The following LRP5 variants were observed in gnomAD, a reference collection of about 807,000 sequenced individuals.
The protein encoded by LRP5 is LDL receptor related protein 5, also known as low-density lipoprotein receptor-related protein 5.
In LRP5, 62 loss-of-function variants were observed where a neutral mutation model predicts 154.1. The observed-to-expected ratio is 0.40, with a 90% CI of 0.33 to 0.50. LRP5 has a LOEUF of 0.50. Ranked by LOEUF, LRP5 falls within the 20% of genes least tolerant of loss-of-function variation. LRP5 has a pLI of 0.55. For synonymous variants in LRP5, 966 were observed against 1,011.5 expected, an observed-to-expected ratio of 0.96 and a Z score of 0.85; for missense variants, 1,915 against 2,336.7, an observed-to-expected ratio of 0.82 and a Z score of 3.72.
At chr11:68,373,142 C>G (rs2098635271) in intron 5 of LRP5, among the ~76,000 whole-genome samples, 1 of 152,170 alleles carries the variant, frequency 6.6e-6, no homozygotes, top group Non-Finnish European at 1.5e-5. Flanking sequence ...TCAAGGGTCC[C>G]TGGGACTCCC....
chr11:68,431,996 A>G (rs1053285533), intron 17 of LRP5, among the ~76,000 whole-genome samples: 3 of 152,162 alleles, frequency 2.0e-5, no homozygotes, highest in African/African-American at 7.2e-5. Flanking sequence ...GAGATCACAG[A>G]AGGACAGGGC....
At chr11:68,347,274 G>A (rs1354800961) in intron 1 of LRP5, among the ~76,000 whole-genome samples, 1 of 152,234 alleles carries the variant, frequency 6.6e-6, no homozygotes, top group Non-Finnish European at 1.5e-5. Flanking sequence ...GGAATACAGG[G>A]GTGGATGGGA....
intron 1 of LRP5, among the ~76,000 whole-genome samples, chr11:68,316,921 G>A (rs1161507471): frequency 6.6e-6 from 1 of 152,268 alleles, no homozygotes; most frequent in Non-Finnish European, 1.5e-5. Flanking sequence ...TGGTTTGTGA[G>A]GCTTTGGAAA....
rs140977837 is a variant in LRP5 at position 68,409,946 on chromosome 11, G to A, written c.2124G>A (p.Ser708=). ...TISRAFMNGS[S]VEHVVEFGLD... ...GCCGCGCCTTCATGAACGGGAGCTC[G>A]GTGGAGCACGTGGTGGAGTTTGGCC... The change falls in exon 10 of 23, where the codon TCG becomes TCA. Residue 708 remains serine, a synonymous_variant. Transcript: ENST00000294304. 3.9e-4 allele frequency: 625 copies of A among 1,614,052 alleles called. 3 individuals are homozygous for A. The African/African-American group carries it at 7.1e-3, about 18-fold the overall frequency.
At chr11:68,381,771 C>G (rs2098640361) in intron 5 of LRP5, among the ~76,000 whole-genome samples, 1 of 152,242 alleles carries the variant, frequency 6.6e-6, no homozygotes. Flanking sequence ...GAGTTGGCCT[C>G]TCTTCTTTAT....
At chr11:68,367,957 T>C (rs2098631987) in intron 5 of LRP5, among the ~76,000 whole-genome samples, 1 of 151,268 alleles carries the variant, frequency 6.6e-6, no homozygotes, top group African/African-American at 2.4e-5. Flanking sequence ...CCCAGCTACT[T>C]GGGAGACTGA....
chr11:68,299,795 C>T, the LRP5 span, among the ~76,000 whole-genome samples: 1 of 148,696 alleles, frequency 6.7e-6, no homozygotes, highest in Non-Finnish European at 1.5e-5. Context: ...GTTGGCCAAG[C>T]TGGTCTCAAA....
chr11:68,369,761 G>GCCCTGATAAAATC (rs2098633043), intron 5 of LRP5, among the ~76,000 whole-genome samples: 1 of 152,116 alleles, frequency 6.6e-6, no homozygotes. Context: ...ACGGGTGTGG[G>GCCCTGATAAAATC]CCCTGATAAA....
chr11:68,386,563 C>T lies in LRP5; in HGVS notation c.1263C>T (p.Ile421=), dbSNP rs1565064798. The T allele has an allele frequency of 5.6e-6, 9 of 1,613,780 alleles. No homozygotes were observed. The highest frequency in any genetic ancestry group is 1.7e-5 in the Admixed American group (1 of 60,000). The change falls in exon 6 of 23, where the codon ATC becomes ATT. Residue 421 remains isoleucine, a synonymous_variant. Transcript: ENST00000294304. This position sits in a 1 kb window ranked among gnomAD's most constrained non-coding sequence, Gnocchi z 7.9. ...CCGAGATCAACGACCCCGATGGCAT[C>T]GCGGTCGACTGGGTGGCCCGAAACC... ...VNTEINDPDG[I]AVDWVARNLY...
At chr11:68,349,043 T>C (rs962675945) in intron 2 of LRP5, among the ~76,000 whole-genome samples, 1 of 150,152 alleles carries the variant, frequency 6.7e-6, no homozygotes, top group Non-Finnish European at 1.5e-5. Context: ...TTTTTTTTTT[T>C]TTTTAATTGA....
At chr11:68,448,450 T>G (rs2098682619) in intron 22 of LRP5, among the ~76,000 whole-genome samples, 1 of 152,264 alleles carries the variant, frequency 6.6e-6, no homozygotes. Flanking sequence ...TGGGTACTAT[T>G]TCATCCCCAC....
At chr11:68,411,736 C>T in intron 11 of LRP5, 116 bp downstream of exon 11, 4 of 1,131,782 alleles carry the variant, frequency 3.5e-6, no homozygotes, top group Non-Finnish European at 5.0e-6. Context: ...CTGGCAGGAG[C>T]TGTGGCCACA....
intron 21 of LRP5, among the ~76,000 whole-genome samples, chr11:68,442,687 C>A (rs554035383): frequency 9.4e-4 from 143 of 152,364 alleles, no homozygotes; most frequent in African/African-American, 3.3e-3. Context: ...ATTTCGGAGG[C>A]TCCCAGCTGC....
intron 13 of LRP5, among the ~76,000 whole-genome samples, chr11:68,421,525 A>G (rs2098665611): frequency 6.6e-6 from 1 of 152,220 alleles, no homozygotes; most frequent in African/African-American, 2.4e-5. Context: ...TCCAGGGTCC[A>G]CAGCTAGTGG....
intron 7 of LRP5, among the ~76,000 whole-genome samples, chr11:68,390,834 G>A (rs986988058): frequency 5.1e-5 from 7 of 136,626 alleles, no homozygotes; most frequent in African/African-American, 2.0e-4. Context: ...CAGTGGCCTC[G>A]TCCTGTGGAC....
intron 1 of LRP5, among the ~76,000 whole-genome samples, chr11:68,320,457 C>CTTTTT (rs554377386): frequency 7.2e-6 from 1 of 139,598 alleles, no homozygotes; most frequent in Admixed American, 7.2e-5. Flanking sequence ...TCTTCTTCTT[C>CTTTTT]TTTTTTTTTT....
intron 2 of LRP5, among the ~76,000 whole-genome samples, chr11:68,351,176 G>A (rs1049640281): frequency 1.3e-5 from 2 of 152,080 alleles, no homozygotes; most frequent in Admixed American, 6.6e-5. Flanking sequence ...GAGCAGCCTC[G>A]TGCCCCCACT....
intron 9 of LRP5, among the ~76,000 whole-genome samples, chr11:68,407,598 T>C (rs1246638752): frequency 1.3e-5 from 2 of 148,270 alleles, no homozygotes; most frequent in Non-Finnish European, 3.0e-5. Flanking sequence ...CCCAGCACTT[T>C]GGGAGGCCGA....
At chr11:68,346,302 G>A (rs754650604) in intron 1 of LRP5, among the ~76,000 whole-genome samples, 19 of 152,192 alleles carry the variant, frequency 1.2e-4, no homozygotes, top group Non-Finnish European at 2.2e-4. Context: ...CGGAGGCGCC[G>A]CTGTCATTTT....
Sources: gnomAD v4.1 joint callset for allele counts (sites outside exome capture counted in the v4.1 genomes callset) on GRCh38, gnomAD v4.1.1 for gene constraint, Gnocchi (gnomAD v3.1) non-coding constraint, MANE v1.5 for transcripts, NCBI Gene and HGNC (gene_info 2026-07-23, HGNC 2026-07-21) for gene names.